The following WDR18 variants were observed in gnomAD, a reference collection of about 807,000 sequenced individuals.
WDR18 encodes the protein WD repeat domain 18, also known as WD repeat-containing protein 18.
In WDR18, 33 loss-of-function variants were observed where a neutral mutation model predicts 49.6. The observed-to-expected ratio is 0.67, with a 90% CI of 0.50 to 0.89. The LOEUF (loss-of-function observed/expected upper bound fraction) is 0.89. WDR18 is among the 40% of genes least tolerant of loss of function. The pLI is 0.00. For missense variants in WDR18, 653 were observed against 593.6 expected (o/e 1.10, Z -1.04); for synonymous variants, 315 against 263.6 (o/e 1.19, Z -1.89).
At position 984,367 on chromosome 19, in the gene WDR18, T is replaced by A; in HGVS notation, c.14T>A (p.Met5Lys). The A allele has an allele frequency of 6.3e-7, 1 of 1,591,954 alleles. No individual in the cohort carries two copies. The highest frequency in any genetic ancestry group is 8.5e-7 in the Non-Finnish European group (1 of 1,171,412). Reference sequence around the variant, plus strand: ...GGGGAAGGCAAGATGGCGGCGCCCATGGAGGTGGCCGTGTGTACGGACTCG... The same window carrying A: ...GGGGAAGGCAAGATGGCGGCGCCCAAGGAGGTGGCCGTGTGTACGGACTCG... Reference protein sequence around the residue: MAAPMEVAVCTDSAA... With the variant: MAAPKEVAVCTDSAA... The change falls in exon 1 of 10, where the codon ATG (methionine) becomes AAG (lysine). Residue 5 changes from methionine to lysine, a missense_variant. Transcript: ENST00000585809.
chr19:991,539 G>A lies in WDR18; in HGVS notation c.931+188G>A, dbSNP rs2038550103. Reference sequence around the variant, plus strand: ...TGGCTGTGGGGCGTGGGCTGGCTTTGCTGTGGGGCGGGGCCTGGCTGGGAC... The same window carrying A: ...TGGCTGTGGGGCGTGGGCTGGCTTTACTGTGGGGCGGGGCCTGGCTGGGAC... On this transcript the variant is annotated intron_variant, in intron 7 of 9. Coordinates refer to ENST00000585809, the MANE Select transcript of WDR18 (RefSeq NM_024100.4). Among the ~76,000 whole-genome samples, 3 of 96,182 alleles carry A rather than the reference G, an allele frequency of 3.1e-5. 1 individual carries two copies. Among genetic ancestry groups the A allele is most frequent in the African/African-American group, 7.8e-5 (2 of 25,512 alleles). The allele number at this position is 96,182 out of a possible 152,430, so 63.1% of individuals were successfully genotyped here.
In WDR18 at chr19:991,267, G is replaced by A. The variant is rs746903821; in HGVS notation, c.847G>A (p.Val283Met). The change falls in exon 7 of 10, where the codon GTG (valine) becomes ATG (methionine). Residue 283 changes from valine (V) to methionine (M), a missense_variant. By Grantham distance (21) the Val-to-Met change is conservative (BLOSUM62 1). Coordinates refer to ENST00000585809, the MANE Select transcript of WDR18 (RefSeq NM_024100.4). ...CCTGTCAGTGTCCACTGACGGCAGC[G>A]TGCTGCTCTCAGGCTCCCACGACGA... ...TCLSVSTDGS[V>M]LLSGSHDETV... 1.3e-6 allele frequency: 2 copies of A among 1,572,888 alleles called. No homozygotes were observed. Among genetic ancestry groups the A allele is most frequent in the East Asian group, 2.3e-5 (1 of 42,658 alleles).
intron 8 of WDR18, among the ~76,000 whole-genome samples, chr19:993,361 G>A (rs1224761836): frequency 1.3e-5 from 2 of 152,318 alleles, no homozygotes; most frequent in Middle Eastern, 3.4e-3. Flanking sequence ...GATTCCGGAG[G>A]GGGCCAGGCC....
intron 1 of WDR18, among the ~76,000 whole-genome samples, chr19:985,574 G>C (rs2038466116): frequency 6.6e-6 from 1 of 152,122 alleles, no homozygotes; most frequent in South Asian, 2.1e-4. Flanking sequence ...TTGGGCCCCA[G>C]TGTCCTTCTG....
intron 1 of WDR18, among the ~76,000 whole-genome samples, chr19:985,029 C>CG (rs2038461190): frequency 6.6e-6 from 1 of 152,150 alleles, no homozygotes; most frequent in Non-Finnish European, 1.5e-5. Context: ...CCCACAGTTT[C>CG]CCCTCTACTC....
At chr19:988,936 G>T (rs1253717350) in intron 2 of WDR18, among the ~76,000 whole-genome samples, 1 of 152,108 alleles carries the variant, frequency 6.6e-6, no homozygotes, top group Non-Finnish European at 1.5e-5. Context: ...CAGGTCCCAG[G>T]TCGGGACTTT....
At chr19:986,580 T>C (rs1045121934) in intron 2 of WDR18, among the ~76,000 whole-genome samples, 1 of 152,168 alleles carries the variant, frequency 6.6e-6, no homozygotes, top group Non-Finnish European at 1.5e-5. Flanking sequence ...GTGCCTCCTT[T>C]TTCTTACCGC....
rs1174300391 is a variant in WDR18, at chr19:985,985, G to A, written c.321+10G>A. On this transcript the variant is annotated intron_variant, in intron 2 of 9. Coordinates refer to ENST00000585809, the MANE Select transcript of WDR18 (RefSeq NM_024100.4). ...CATCCACCTGTGGGAGGTAAGAGGA[G>A]CAAAGCGTGAGCGTTTCCCACAGGA... The A allele has an allele frequency of 6.2e-7, 1 of 1,612,540 alleles. No individual in the cohort carries two copies. Among genetic ancestry groups the A allele is most frequent in the East Asian group, 2.2e-5 (1 of 44,876 alleles).
chr19:986,035 C>G (rs2038471301), intron 2 of WDR18, 60 bp downstream of exon 2: 1 of 1,535,380 alleles, frequency 6.5e-7, no homozygotes, highest in African/African-American at 1.4e-5. Flanking sequence ...TGAGCTTTGC[C>G]TGCAGGGCAC....
intron 8 of WDR18, among the ~76,000 whole-genome samples, chr19:993,748 G>A (rs2038591793): frequency 6.6e-6 from 1 of 152,150 alleles, no homozygotes; most frequent in African/African-American, 2.4e-5. Flanking sequence ...TCTGTGGTGT[G>A]GCCATCTGCA....
At chr19:991,193 G>A (rs540020951) in intron 6 of WDR18, 34 bp from the exon 7 acceptor site, 1 of 1,394,506 alleles carries the variant, frequency 7.2e-7, no homozygotes, top group Non-Finnish European at 9.5e-7. Flanking sequence ...GTCCTGTCTG[G>A]CACGTCCCAG....
chr19:990,035 T>G, intron 3 of WDR18, 140 bp downstream of exon 3: 2 of 1,420,602 alleles, frequency 1.4e-6, no homozygotes, highest in South Asian at 2.9e-5. Context: ...ATCCCAGGGG[T>G]CCTGGCTGCC....
rs528885215 is a variant in WDR18, at chr19:994,013, G to A, written c.1099-7G>A. On this transcript the variant is annotated splice_polypyrimidine_tract_variant and splice_region_variant and intron_variant, in intron 8 of 9. Transcript: ENST00000585809. Reference sequence around the variant, plus strand: ...GCCCCGAGGTCACGTGGCTCCCTGTGTTACAGGGCTCGGAGCCCAGCTACC... The same window carrying A: ...GCCCCGAGGTCACGTGGCTCCCTGTATTACAGGGCTCGGAGCCCAGCTACC... 8 of 1,552,102 alleles carry A rather than the reference G, an allele frequency of 5.2e-6. No individual in the cohort carries two copies. The African/African-American group carries it at 6.8e-5, about 13-fold the overall frequency.
In WDR18 at chr19:990,327, C is replaced by G. The variant is rs1216780836; in HGVS notation, c.560C>G (p.Ala187Gly). ...CACTGCGGCTTTGGGGGCCCCCTGGCCCGGGTGGCCACCTCCTCACTGGAC... is the reference window on the plus strand; with the variant it reads ...CACTGCGGCTTTGGGGGCCCCCTGGGCCGGGTGGCCACCTCCTCACTGGAC... ...DLHCGFGGPL[A>G]RVATSSLDQT... The change falls in exon 4 of 10, where the codon GCC becomes GGC. Residue 187 changes from alanine (A) to glycine (G), a missense_variant. Transcript: ENST00000585809. 3 of 1,591,982 alleles carry G rather than the reference C, an allele frequency of 1.9e-6. No homozygotes were observed. The highest frequency in any genetic ancestry group is 2.6e-6 in the Non-Finnish European group (3 of 1,176,022).
At chr19:989,060 AC>A (rs2038508654) in intron 2 of WDR18, among the ~76,000 whole-genome samples, 2 of 43,716 alleles carry the variant, frequency 4.6e-5, no homozygotes, top group African/African-American at 1.9e-4. Flanking sequence ...CACAACCCCC[AC>A]CAGAGCTTCT....
Position 991,091 on chromosome 19 carries a change from G to T in WDR18, c.752G>T (p.Arg251Met). 6.2e-7 allele frequency: 1 copy of T among 1,602,032 alleles called. No homozygotes were observed. The highest frequency in any genetic ancestry group is 1.3e-5 in the African/African-American group (1 of 74,802). Residue 251 changes from arginine to methionine, a missense_variant, in exon 6 of 10, where the codon AGG (arginine) becomes ATG (methionine). Arg to Met is a moderately conservative substitution (Grantham distance 91). Transcript: ENST00000585809. Reference protein sequence around the residue: ...QVDLFTWPGQRERSFHPEQDA... With the variant: ...QVDLFTWPGQMERSFHPEQDA... ...TCTCGGCCTTCGCAGCCCGGACAGA[G>T]GGAGAGGAGCTTCCACCCAGAGCAG...
intron 1 of WDR18, among the ~76,000 whole-genome samples, chr19:984,976 C>T (rs1323996323): frequency 6.6e-6 from 1 of 152,144 alleles, no homozygotes; most frequent in East Asian, 1.9e-4. Flanking sequence ...GCGCAGGAAA[C>T]TCATGTTTAT....
At chr19:992,239 A>C (rs1245387808) in intron 8 of WDR18, 118 bp downstream of exon 8, 1 of 1,263,360 alleles carries the variant, frequency 7.9e-7, no homozygotes, top group East Asian at 3.1e-5. Flanking sequence ...CAAGCCCGGC[A>C]CTGGAGGGCG....
chr19:990,813 C>T (rs1279225782), intron 4 of WDR18, 39 bp from the exon 5 acceptor site: 3 of 1,559,476 alleles, frequency 1.9e-6, no homozygotes, highest in Non-Finnish European at 1.7e-6. Flanking sequence ...TCGGGTTCCC[C>T]CTGCCGGGCC....
Sources: allele counts gnomAD v4.1 joint callset (sites outside exome capture counted in the v4.1 genomes callset), GRCh38; gene constraint gnomAD v4.1.1; transcripts MANE v1.5; gene names NCBI Gene and HGNC (gene_info 2026-07-23, HGNC 2026-07-21).